The following NOTCH2NLC variants were observed in gnomAD, a reference collection of about 807,000 sequenced individuals.
The protein encoded by NOTCH2NLC is notch 2 N-terminal like C, also known as notch homolog 2 N-terminal-like protein C.
Under a neutral mutation model 17.7 loss-of-function variants are expected in NOTCH2NLC, and 4 were observed. That is an observed-to-expected ratio of 0.23 (90% CI 0.11 to 0.52). The LOEUF is 0.52. NOTCH2NLC is among the 20% of genes least tolerant of loss of function. The probability of loss-of-function intolerance (pLI) is 0.96; values close to 1 mark genes in which losing one functional copy is unlikely to be tolerated. For synonymous variants in NOTCH2NLC, 18 were observed against 86.0 expected, an observed-to-expected ratio of 0.21 and a Z score of 4.38; for missense variants, 57 against 207.2, an observed-to-expected ratio of 0.28 and a Z score of 4.45.
intron 2 of NOTCH2NLC, among the ~76,000 whole-genome samples, chr1:149,440,986 T>C (rs1259686772): frequency 6.6e-5 from 10 of 150,752 alleles, no homozygotes; most frequent in Non-Finnish European, 1.5e-5. Flanking sequence ...GCAATTGTGC[T>C]CCTTCCCTCA....
In NOTCH2NLC at chr1:149,461,609, A is replaced by T. The variant is rs1199361146; in HGVS notation, c.470-1882A>T. Among the ~76,000 whole-genome samples the T allele has an allele frequency of 1.1e-4, 16 of 151,434 alleles. No individual in the cohort carries two copies. The South Asian group carries it at 3.1e-3, about 30-fold the overall frequency. The stretch of plus-strand genomic sequence containing the variant: ...AACTGGAGTATTAACAAATTCAAGG[A>T]GTTCTCGCCATCCCATTACTGGGTA... On this transcript the variant is annotated intron_variant, in intron 3 of 4. Transcript: ENST00000650865.
At chr1:149,423,375 T>G (rs1235940315) in intron 1 of NOTCH2NLC, among the ~76,000 whole-genome samples, 6 of 151,686 alleles carry the variant, frequency 4.0e-5, no homozygotes, top group African/African-American at 1.5e-4. Flanking sequence ...GTTTGGATTT[T>G]TTTTTCATGG....
At position 149,390,780 on chromosome 1, in the gene NOTCH2NLC, C is replaced by A. The variant is rs2084156429; in HGVS notation, c.-8C>A. Reference sequence around the variant, plus strand: ...AGAGTGGGGCTCCTCTATCGGGACCCCCTCCCCATGTGGATCTGCCCAGGC... The same window carrying A: ...AGAGTGGGGCTCCTCTATCGGGACCACCTCCCCATGTGGATCTGCCCAGGC... On this transcript the variant is annotated 5_prime_UTR_variant, in exon 1 of 5. Transcript: ENST00000650865. The A allele has an allele frequency of 9.6e-6, 9 of 936,572 alleles. No individual in the cohort carries two copies. Among genetic ancestry groups the A allele is most frequent in the Admixed American group, 1.3e-4 (2 of 15,980 alleles). 58.0% of individuals were successfully genotyped at this position (936,572 alleles called of 1,614,324 possible).
At chr1:149,419,953 G>A (rs1204246555) in intron 1 of NOTCH2NLC, among the ~76,000 whole-genome samples, 20 of 122,968 alleles carry the variant, frequency 1.6e-4, no homozygotes, top group African/African-American at 2.5e-4. Context: ...TGCAAGCTCC[G>A]CCTCCCGGGT....
chr1:149,413,848 A>T (rs1161635348), intron 1 of NOTCH2NLC, among the ~76,000 whole-genome samples: 1 of 151,126 alleles, frequency 6.6e-6, no homozygotes, highest in African/African-American at 2.4e-5. Flanking sequence ...CAGCATGGTG[A>T]GGTGATGATA....
At chr1:149,443,631 A>G (rs2084533327) in intron 2 of NOTCH2NLC, among the ~76,000 whole-genome samples, 1 of 150,820 alleles carries the variant, frequency 6.6e-6, no homozygotes, top group East Asian at 2.0e-4. Context: ...GGTGGGGAAA[A>G]GCATTTTGGG....
chr1:149,419,584 G>T (rs1438985350), intron 1 of NOTCH2NLC, among the ~76,000 whole-genome samples: 1 of 149,416 alleles, frequency 6.7e-6, no homozygotes, highest in Admixed American at 6.7e-5. Context: ...TAGTCTTGAA[G>T]ATAAATTCTT....
chr1:149,460,863 CTTTCTTT>C (rs2084642171), intron 3 of NOTCH2NLC, among the ~76,000 whole-genome samples: 1 of 2,850 alleles, frequency 3.5e-4, no homozygotes. Flanking sequence ...CCCTTTCTTT[CTTTCTTT>C]CTTTCTTTCT....
Position 149,390,802 on chromosome 1 carries a change from A to AGGCGACGGCGGCGGCGGCGGCGGC in NOTCH2NLC, c.19_20insACGGCGGCGGCGGCGGCGGCGGCG (p.Gly6_Gly7insAspGlyGlyGlyGlyGlyGlyGly). 1.1e-6 allele frequency: 1 copy of AGGCGACGGCGGCGGCGGCGGCGGC among 948,690 alleles called. No homozygotes were observed. The highest frequency in any genetic ancestry group is 1.3e-6 in the Non-Finnish European group (1 of 748,852). The allele number at this position is 948,690 out of a possible 1,614,324, so 58.8% of individuals were successfully genotyped here. A position where few individuals can be genotyped will look rare whatever the true frequency, so the allele number is the denominator to read the frequency against. ...ACCCCCTCCCCATGTGGATCTGCCC[A>AGGCGACGGCGGCGGCGGCGGCGGC]GGCGGCGGCGGCGGCGGCGGCGGCG... On this transcript the variant is annotated inframe_insertion, in exon 1 of 5. Transcript: ENST00000650865.
rs1201717953 is a variant in NOTCH2NLC at position 149,467,385 on chromosome 1, T to C, written c.*3232T>C. 1 of 144,586 alleles carries C rather than the reference T, an allele frequency of 6.9e-6. No homozygotes were observed. Among genetic ancestry groups the C allele is most frequent in the Non-Finnish European group, 1.5e-5 (1 of 66,322 alleles). The allele number at this position is 144,586 out of a possible 1,614,324, so 9.0% of individuals were successfully genotyped here. ...TGTAGTCACTGTGAGTATTTTAGTA[T>C]TACTGTAGGACTCAAGAGGGAATTA... is the stretch of plus-strand genomic sequence containing the variant. On this transcript the variant is annotated 3_prime_UTR_variant, in exon 5 of 5. Coordinates refer to ENST00000650865, the MANE Select transcript of NOTCH2NLC (RefSeq NM_001364013.2).
At chr1:149,425,439 C>T (rs1158845237) in intron 1 of NOTCH2NLC, among the ~76,000 whole-genome samples, 5 of 151,282 alleles carry the variant, frequency 3.3e-5, no homozygotes, top group African/African-American at 1.2e-4. Context: ...ACGATCTGTT[C>T]AGGAAAGAGG....
In NOTCH2NLC at chr1:149,430,738, C is replaced by T. The variant is rs1262830791; in HGVS notation, c.136-204C>T. On this transcript the variant is annotated intron_variant, in intron 1 of 4. Coordinates refer to ENST00000650865, the MANE Select transcript of NOTCH2NLC (RefSeq NM_001364013.2). ...TAAGAGCATCATTGAAGACCACAAA[C>T]GTGGTTATTGTTGGAAGATAGTTTT... is the stretch of plus-strand genomic sequence containing the variant. Among the ~76,000 whole-genome samples, 41 of 150,208 alleles carry T rather than the reference C, an allele frequency of 2.7e-4. 1 individual carries two copies. Among genetic ancestry groups the T allele is most frequent in the African/African-American group, 6.6e-4 (27 of 40,916 alleles).
At chr1:149,449,862 C>T (rs1436770952) in intron 2 of NOTCH2NLC, among the ~76,000 whole-genome samples, 2 of 150,776 alleles carry the variant, frequency 1.3e-5, no homozygotes, top group African/African-American at 4.9e-5. Context: ...ATATTCTGGA[C>T]ATTTCATATA....
chr1:149,422,981 G>A (rs1458951637), intron 1 of NOTCH2NLC, among the ~76,000 whole-genome samples: 3 of 144,798 alleles, frequency 2.1e-5, no homozygotes, highest in South Asian at 2.2e-4. Flanking sequence ...TTTTTTTATA[G>A]TATGAAAAGT....
chr1:149,417,128 G>A (rs1177648595), intron 1 of NOTCH2NLC, among the ~76,000 whole-genome samples: 2 of 6,366 alleles, frequency 3.1e-4, no homozygotes, highest in Non-Finnish European at 9.0e-4. Context: ...TTTTTTTTTT[G>A]AGACAGAGTC....
chr1:149,400,024 A>C (rs1352190412), intron 1 of NOTCH2NLC, among the ~76,000 whole-genome samples: 1 of 149,334 alleles, frequency 6.7e-6, no homozygotes, highest in Non-Finnish European at 1.5e-5. Flanking sequence ...AAAAGCGTAA[A>C]TAAAATGTCC....
intron 1 of NOTCH2NLC, among the ~76,000 whole-genome samples, chr1:149,416,725 G>A (rs1194429556): frequency 4.0e-5 from 6 of 150,528 alleles, no homozygotes; most frequent in East Asian, 3.9e-4. Context: ...TTCAGTCATA[G>A]GGTAGTTTTT....
At chr1:149,392,926 C>CCGGG (rs2084181291) in intron 1 of NOTCH2NLC, among the ~76,000 whole-genome samples, 1 of 150,286 alleles carries the variant, frequency 6.7e-6, no homozygotes, top group Non-Finnish European at 1.5e-5. Context: ...AAAAAATTAG[C>CCGGG]CGGGCGTAGT....
intron 1 of NOTCH2NLC, among the ~76,000 whole-genome samples, chr1:149,424,090 C>G (rs1339708401): frequency 6.6e-6 from 1 of 151,184 alleles, no homozygotes; most frequent in Non-Finnish European, 1.5e-5. Flanking sequence ...AAGATTCCAT[C>G]AAGTCTGGAT....
Sources: allele counts gnomAD v4.1 joint callset (sites outside exome capture counted in the v4.1 genomes callset), GRCh38; gene constraint gnomAD v4.1.1; transcripts MANE v1.5; gene names NCBI Gene and HGNC (gene_info 2026-07-23, HGNC 2026-07-21).